CCL11: variants seen among roughly 807,000 people sequenced by gnomAD.
CCL11 encodes the protein eotaxin.
CCL11 carries 7 observed loss-of-function variants against 7.3 expected under a neutral mutation model. The ratio of observed to expected loss-of-function variants is 0.96; its 90% CI spans 0.55 to 1.81. The LOEUF (loss-of-function observed/expected upper bound fraction) is 1.81. Among genes scored for constraint, CCL11 ranks in the 40% most tolerant of loss-of-function variants. The pLI is 0.00. For synonymous variants in CCL11, 66 were observed against 45.2 expected (o/e 1.46, Z -1.84); for missense variants, 132 against 114.2 (o/e 1.16, Z -0.71).
At chr17:34,286,972 C>A in intron 1 of CCL11, 124 bp from the exon 2 acceptor site, 1 of 655,544 alleles carries the variant, frequency 1.5e-6, no homozygotes, top group South Asian at 1.7e-5. Context: ...GAGGGATTCT[C>A]CCTCCACCTC....
Position 34,288,069 on chromosome 17 carries a change from A to AC in CCL11, c.*380dup, listed in dbSNP as rs1908702224. 6.5e-6 allele frequency: 1 copy of AC among 153,154 alleles called. No individual in the cohort carries two copies. The highest frequency in any genetic ancestry group is 1.5e-5 in the Non-Finnish European group (1 of 68,708). The allele number at this position is 153,154 out of a possible 1,614,324, so 9.5% of individuals were successfully genotyped here. A position where few individuals can be genotyped will look rare whatever the true frequency, so the allele number is the denominator to read the frequency against. On this transcript the variant is annotated 3_prime_UTR_variant, in exon 3 of 3. Transcript: ENST00000305869. ...ATTGTTCTTGTGAACCCAAAGTGTG[A>AC]CTCATTAAATGGAAGTAAATGTTGT...
At position 34,287,139 on chromosome 17, in the gene CCL11, G is replaced by A; in HGVS notation, c.120G>A (p.Lys40=). Residue 40 remains lysine, a synonymous_variant, in exon 2 of 3, where the codon AAG becomes AAA. Transcript: ENST00000305869. Reference sequence around the variant, plus strand: ...GCTGCTTTAACCTGGCCAATAGGAAGATACCCCTTCAGCGACTAGAGAGCT... The same window carrying A: ...GCTGCTTTAACCTGGCCAATAGGAAAATACCCCTTCAGCGACTAGAGAGCT... The part of the protein sequence containing the change: ...TTCCFNLANR[K]IPLQRLESYR... 6.2e-7 allele frequency: 1 copy of A among 1,613,960 alleles called. No individual in the cohort carries two copies. Among genetic ancestry groups the A allele is most frequent in the Non-Finnish European group, 8.5e-7 (1 of 1,179,926 alleles).
chr17:34,285,901 C>T lies in CCL11; in HGVS notation c.76+17C>T. On this transcript the variant is annotated intron_variant, in intron 1 of 2. Transcript: ENST00000305869. ...CTGGGCCAGGTAAGCCCCCCAACTC[C>T]TTACAGGAAAGGTAAGGTAACCACC... The T allele has an allele frequency of 6.3e-7, 1 of 1,589,394 alleles. No individual in the cohort carries two copies. Among genetic ancestry groups the T allele is most frequent in the Non-Finnish European group, 8.6e-7 (1 of 1,164,122 alleles).
At chr17:34,286,430 C>A (rs1432059079) in intron 1 of CCL11, among the ~76,000 whole-genome samples, 1 of 152,192 alleles carries the variant, frequency 6.6e-6, no homozygotes, top group Non-Finnish European at 1.5e-5. Context: ...AGCATGGTAA[C>A]AAACAGTTCT....
At position 34,287,627 on chromosome 17, in the gene CCL11, G is replaced by A. The variant is rs1908676894; in HGVS notation, c.231G>A (p.Lys77=). ...CCAAGGATATCTGTGCCGACCCCAA[G>A]AAGAAGTGGGTGCAGGATTCCATGA... ...KLAKDICADP[K]KKWVQDSMKY... is the part of the protein sequence containing the mutation. The change falls in exon 3 of 3, where the codon AAG becomes AAA. Residue 77 remains lysine, a synonymous_variant. Transcript: ENST00000305869. 1.2e-6 allele frequency: 2 copies of A among 1,613,956 alleles called. No homozygotes were observed. Among genetic ancestry groups the A allele is most frequent in the Middle Eastern group, 1.6e-4 (1 of 6,062 alleles).
Position 34,287,650 on chromosome 17 carries a change from T to C in CCL11, c.254T>C (p.Met85Thr). 6.2e-7 allele frequency: 1 copy of C among 1,613,924 alleles called. No individual in the cohort carries two copies. The highest frequency in any genetic ancestry group is 8.5e-7 in the Non-Finnish European group (1 of 1,179,920). Residue 85 changes from methionine (M) to threonine (T), a missense_variant, in exon 3 of 3, where the codon ATG becomes ACG. Coordinates refer to ENST00000305869, the MANE Select transcript of CCL11 (RefSeq NM_002986.3). The stretch of plus-strand genomic sequence containing the variant: ...AAGAAGAAGTGGGTGCAGGATTCCA[T>C]GAAGTATCTGGACCAAAAATCTCCA... ...DPKKKWVQDSMKYLDQKSPTP... is the reference protein window; with the variant it reads ...DPKKKWVQDSTKYLDQKSPTP...
chr17:34,287,058 A>AT lies in CCL11; in HGVS notation c.77-31dup, dbSNP rs746191397. On this transcript the variant is annotated intron_variant, in intron 1 of 2. Coordinates refer to ENST00000305869, the MANE Select transcript of CCL11 (RefSeq NM_002986.3). Reference sequence around the variant, plus strand: ...ATGTCTATGTATCATCATGTGGCTCATTTTTTTCTCTGTTCATTTTTTTTC... The same window carrying AT: ...ATGTCTATGTATCATCATGTGGCTCATTTTTTTTCTCTGTTCATTTTTTTTC... The AT allele has an allele frequency of 5.1e-5, 72 of 1,413,028 alleles. 1 individual carries two copies. The South Asian group carries it at 6.5e-4, about 13-fold the overall frequency. 87.5% of individuals were successfully genotyped at this position (1,413,028 alleles called of 1,614,324 possible).
rs757750206 is a variant in CCL11 at position 34,287,174 on chromosome 17, T to C, written c.155T>C (p.Ile52Thr). The stretch of plus-strand genomic sequence containing the variant: ...CAGCGACTAGAGAGCTACAGGAGAA[T>C]CACCAGTGGCAAATGTCCCCAGAAA... ...PLQRLESYRR[I>T]TSGKCPQKAV... Residue 52 changes from isoleucine to threonine, a missense_variant, in exon 2 of 3, where the codon ATC becomes ACC. By Grantham distance (89) the Ile-to-Thr change is moderately conservative. Coordinates refer to ENST00000305869, the MANE Select transcript of CCL11 (RefSeq NM_002986.3). 6.2e-7 allele frequency: 1 copy of C among 1,613,898 alleles called. No homozygotes were observed. Among genetic ancestry groups the C allele is most frequent in the Non-Finnish European group, 8.5e-7 (1 of 1,179,854 alleles).
Position 34,287,201 on chromosome 17 carries a change from CT to C in CCL11, c.183del (p.Val62Ter), listed in dbSNP as rs768841988. The C allele has an allele frequency of 4.3e-6, 7 of 1,610,000 alleles. No homozygotes were observed. The highest frequency in any genetic ancestry group is 5.1e-6 in the Non-Finnish European group (6 of 1,176,478). ...ACCAGTGGCAAATGTCCCCAGAAAG[CT>C]GTGATGTAAGTAAATAAAGTTCACC... ...RITSGKCPQK[A>X]VIFKTKLAKD... On this transcript the variant is annotated frameshift_variant, in exon 2 of 3. Coordinates refer to ENST00000305869, the MANE Select transcript of CCL11 (RefSeq NM_002986.3). LOFTEE classifies it low-confidence loss of function (END_TRUNC).
rs201600643 is a variant in CCL11 at position 34,285,791 on chromosome 17, A to G, written c.-18A>G. The G allele has an allele frequency of 1.2e-6, 2 of 1,603,238 alleles. No homozygotes were observed. The highest frequency in any genetic ancestry group is 2.7e-5 in the African/African-American group (2 of 74,424). On this transcript the variant is annotated 5_prime_UTR_variant, in exon 1 of 3. Transcript: ENST00000305869. ...ACCACCACCTCTCACGCCAAAGCTC[A>G]CACCTTCAGCCTCCAACATGAAGGT...
chr17:34,286,247 A>G (rs190846187), intron 1 of CCL11, among the ~76,000 whole-genome samples: 60 of 152,330 alleles, frequency 3.9e-4, no homozygotes, highest in African/African-American at 1.3e-3. Context: ...CGACTCCAGG[A>G]CAGCTTTCAG....
At position 34,287,669 on chromosome 17, in the gene CCL11, A is replaced by G. The variant is rs754408986; in HGVS notation, c.273A>G (p.Lys91=). 1.2e-6 allele frequency: 2 copies of G among 1,612,840 alleles called. No homozygotes were observed. The highest frequency in any genetic ancestry group is 1.1e-5 in the South Asian group (1 of 91,028). Residue 91 remains lysine, a synonymous_variant, in exon 3 of 3, where the codon AAA becomes AAG. Coordinates refer to ENST00000305869, the MANE Select transcript of CCL11 (RefSeq NM_002986.3). The part of the protein sequence containing the change: ...VQDSMKYLDQ[K]SPTPKP ...ATTCCATGAAGTATCTGGACCAAAA[A>G]TCTCCAACTCCAAAGCCATAAATAA...
Position 34,287,710 on chromosome 17 carries a change from C to A in CCL11, c.*20C>A, listed in dbSNP as rs758511524. 3 of 1,527,990 alleles carry A rather than the reference C, an allele frequency of 2.0e-6. No homozygotes were observed. The highest frequency in any genetic ancestry group is 1.7e-5 in the Admixed American group (1 of 59,594). The allele number at this position is 1,527,990 out of a possible 1,614,324, so 94.7% of individuals were successfully genotyped here. A position where few individuals can be genotyped will look rare whatever the true frequency, so the allele number is the denominator to read the frequency against. On this transcript the variant is annotated 3_prime_UTR_variant, in exon 3 of 3. Transcript: ENST00000305869. ...CCATAAATAATCACCATTTTTGAAA[C>A]CAAACCAGAGCCTGAGTGTTGCCTA...
intron 2 of CCL11, 23 bp downstream of exon 2, chr17:34,287,230 C>A: frequency 2.0e-6 from 3 of 1,521,708 alleles, no homozygotes; most frequent in African/African-American, 1.4e-5. Flanking sequence ...AGTTCACCCT[C>A]CCCTAGACAA....
Position 34,287,619 on chromosome 17 carries a change from G to T in CCL11, c.223G>T (p.Asp75Tyr). 6.2e-7 allele frequency: 1 copy of T among 1,613,586 alleles called. No individual in the cohort carries two copies. The highest frequency in any genetic ancestry group is 8.5e-7 in the Non-Finnish European group (1 of 1,179,844). The change falls in exon 3 of 3, where the codon GAC (aspartate) becomes TAC (tyrosine). Residue 75 changes from aspartate to tyrosine, a missense_variant. Transcript: ENST00000305869. Reference sequence around the variant, plus strand: ...CAAACTGGCCAAGGATATCTGTGCCGACCCCAAGAAGAAGTGGGTGCAGGA... The same window carrying T: ...CAAACTGGCCAAGGATATCTGTGCCTACCCCAAGAAGAAGTGGGTGCAGGA... ...KTKLAKDICA[D>Y]PKKKWVQDSM...
rs745408049 is a variant in CCL11, at chr17:34,285,770, C to T, written c.-39C>T. 4 of 1,544,000 alleles carry T rather than the reference C, an allele frequency of 2.6e-6. No individual in the cohort carries two copies. Among genetic ancestry groups the T allele is most frequent in the Non-Finnish European group, 3.6e-6 (4 of 1,125,576 alleles). ...GAGGCTGAGACCAACCCAGAAACCA[C>T]CACCTCTCACGCCAAAGCTCACACC... is the stretch of plus-strand genomic sequence containing the variant. On this transcript the variant is annotated 5_prime_UTR_variant, in exon 1 of 3. Transcript: ENST00000305869.
rs1057237536 is a variant in CCL11 at position 34,288,217 on chromosome 17, G to C, written c.*527G>C. On this transcript the variant is annotated 3_prime_UTR_variant, in exon 3 of 3. Coordinates refer to ENST00000305869, the MANE Select transcript of CCL11 (RefSeq NM_002986.3). ...TGTGGCCAAGAGGGGCTTGGTTAAG[G>C]GGGTGGGAACTATGTCCCTGGGAAA... is the stretch of plus-strand genomic sequence containing the variant. 1 of 152,502 alleles carries C rather than the reference G, an allele frequency of 6.6e-6. No individual in the cohort carries two copies. The highest frequency in any genetic ancestry group is 1.5e-5 in the Non-Finnish European group (1 of 68,198). 9.4% of individuals were successfully genotyped at this position (152,502 alleles called of 1,614,324 possible). A position where few individuals can be genotyped will look rare whatever the true frequency, so the allele number is the denominator to read the frequency against.
rs200339412 is a variant in CCL11, at chr17:34,285,900, C to T, written c.76+16C>T. 21 of 1,591,036 alleles carry T rather than the reference C, an allele frequency of 1.3e-5. No individual in the cohort carries two copies. The highest frequency in any genetic ancestry group is 1.8e-5 in the Non-Finnish European group (21 of 1,165,128). On this transcript the variant is annotated intron_variant, in intron 1 of 2. Transcript: ENST00000305869. ...GCTGGGCCAGGTAAGCCCCCCAACT[C>T]CTTACAGGAAAGGTAAGGTAACCAC...
chr17:34,287,701 T>C lies in CCL11; in HGVS notation c.*11T>C. ...ACTCCAAAGCCATAAATAATCACCA[T>C]TTTTGAAACCAAACCAGAGCCTGAG... On this transcript the variant is annotated 3_prime_UTR_variant, in exon 3 of 3. Coordinates refer to ENST00000305869, the MANE Select transcript of CCL11 (RefSeq NM_002986.3). The C allele has an allele frequency of 6.3e-7, 1 of 1,577,280 alleles. No individual in the cohort carries two copies.
Sources: gnomAD v4.1 joint callset for allele counts (sites outside exome capture counted in the v4.1 genomes callset) on GRCh38, gnomAD v4.1.1 for gene constraint, MANE v1.5 for transcripts, NCBI Gene and HGNC (gene_info 2026-07-23, HGNC 2026-07-21) for gene names.